Variants in GLIS3 observed in about 807,000 individuals in gnomAD.
The protein encoded by GLIS3 is GLIS family zinc finger 3.
A neutral mutation model predicts 78.6 loss-of-function variants in GLIS3; 53 were observed. That is an observed-to-expected ratio of 0.67 (90% CI 0.54 to 0.85). The LOEUF is 0.85. Ranked by LOEUF, GLIS3 falls within the 40% of genes least tolerant of loss-of-function variation. The probability of loss-of-function intolerance (pLI) is 0.00; values close to 1 mark genes in which losing one functional copy is unlikely to be tolerated. For missense variants in GLIS3, 1,703 were observed against 1,231.1 expected (o/e 1.38, Z -5.74); for synonymous variants, 684 against 509.9 (o/e 1.34, Z -4.60).
At chr9:4,132,439 G>C (rs1833048915) in intron 2 of GLIS3, among the ~76,000 whole-genome samples, 1 of 152,132 alleles carries the variant, frequency 6.6e-6, no homozygotes, top group Admixed American at 6.6e-5. Flanking sequence ...TCACTACTGA[G>C]GCTGCATCAT....
At chr9:4,112,718 T>C (rs1831319321) in intron 4 of GLIS3, among the ~76,000 whole-genome samples, 1 of 152,204 alleles carries the variant, frequency 6.6e-6, no homozygotes, top group Non-Finnish European at 1.5e-5. Flanking sequence ...GGAAAGAAAT[T>C]GGAGTGTGAT....
At chr9:4,242,974 T>C (rs1306677731) in intron 2 of GLIS3, among the ~76,000 whole-genome samples, 3 of 152,196 alleles carry the variant, frequency 2.0e-5, no homozygotes, top group African/African-American at 7.2e-5. Flanking sequence ...TGATAAGCCA[T>C]AAATACAGAA....
chr9:3,824,381 AAAACAAAACAAAAAAAC>A lies in GLIS3; in HGVS notation c.*3874_*3890del, dbSNP rs1365640035. On this transcript the variant is annotated 3_prime_UTR_variant, in exon 11 of 11. Transcript: ENST00000381971. ...TCCCAGTATGTAAGAGGCTGATGGT[AAAACAAAACAAAAAAAC>A]AAACAAACAAACAATGATGGTTGCC... 6.6e-6 allele frequency: 1 copy of A among 152,616 alleles called. No individual in the cohort carries two copies. Among genetic ancestry groups the A allele is most frequent in the African/African-American group, 2.4e-5 (1 of 41,444 alleles). The allele number at this position is 152,616 out of a possible 1,614,324, so 9.5% of individuals were successfully genotyped here.
chr9:4,090,747 A>G (rs2755088), intron 4 of GLIS3, among the ~76,000 whole-genome samples: 152,272 of 152,352 alleles, frequency 1, 76,096 homozygotes, highest in Middle Eastern at 1. Flanking sequence ...AAGAAGAGAT[A>G]AGCTTAAGCA....
At chr9:4,103,347 CA>C (rs1456564444) in intron 4 of GLIS3, among the ~76,000 whole-genome samples, 1 of 152,094 alleles carries the variant, frequency 6.6e-6, no homozygotes, top group East Asian at 1.9e-4. Flanking sequence ...AGCCAGTAGC[CA>C]TTTCATATTG....
At chr9:4,224,661 T>A (rs1283504379) in intron 2 of GLIS3, among the ~76,000 whole-genome samples, 1 of 152,014 alleles carries the variant, frequency 6.6e-6, no homozygotes, top group Non-Finnish European at 1.5e-5. Flanking sequence ...ACTTCACCCT[T>A]TGTTACATCC....
Position 3,977,183 on chromosome 9 carries a change from C to A in GLIS3, c.1711-39994G>T, listed in dbSNP as rs1172976327. The stretch of plus-strand genomic sequence containing the variant: ...TACCGAATGCTTACAACTCCCAAGC[C>A]GGGAGAAATATTGTCAGTTCAGATG... On this transcript the variant is annotated intron_variant, in intron 4 of 10. Transcript: ENST00000381971. This position sits in a 1 kb window ranked among gnomAD's most constrained non-coding sequence, Gnocchi z 4.1. 6.6e-6 allele frequency among the ~76,000 whole-genome samples: 1 copy of A among 152,076 alleles called. No homozygotes were observed. The highest frequency in any genetic ancestry group is 6.6e-5 in the Admixed American group (1 of 15,244).
At chr9:4,417,173 G>A in the GLIS3 span, among the ~76,000 whole-genome samples, 1 of 152,046 alleles carries the variant, frequency 6.6e-6, no homozygotes, top group Non-Finnish European at 1.5e-5. Flanking sequence ...ACTTTGAAGG[G>A]TATCGATTAT....
At chr9:4,073,525 G>A (rs1827789784) in intron 4 of GLIS3, among the ~76,000 whole-genome samples, 3 of 152,120 alleles carry the variant, frequency 2.0e-5, no homozygotes, top group Non-Finnish European at 2.9e-5. Context: ...CACTCAGGGT[G>A]GGACAGGTAG....
chr9:4,189,483 G>A (rs779929277), intron 2 of GLIS3, among the ~76,000 whole-genome samples: 16 of 152,316 alleles, frequency 1.1e-4, no homozygotes, highest in South Asian at 4.2e-4. Flanking sequence ...GATTTGTGGT[G>A]CAGAGTTCTG....
chr9:4,006,197 A>T (rs1306014165), intron 4 of GLIS3, among the ~76,000 whole-genome samples: 1 of 151,734 alleles, frequency 6.6e-6, no homozygotes, highest in Non-Finnish European at 1.5e-5. Flanking sequence ...CTTTGCTGTA[A>T]ACTCTCTTTT....
At chr9:4,277,113 C>T (rs1827100041) in intron 2 of GLIS3, among the ~76,000 whole-genome samples, 1 of 152,176 alleles carries the variant, frequency 6.6e-6, no homozygotes, top group Non-Finnish European at 1.5e-5. Context: ...GGACCCCAAT[C>T]TCCACTATTA....
chr9:4,394,603 C>G, the GLIS3 span, among the ~76,000 whole-genome samples: 3 of 152,144 alleles, frequency 2.0e-5, no homozygotes, highest in African/African-American at 4.8e-5. Context: ...ATCTGAGAAA[C>G]AATTCATACC....
the GLIS3 span, among the ~76,000 whole-genome samples, chr9:4,438,733 T>A: frequency 2.6e-5 from 4 of 152,166 alleles, no homozygotes; most frequent in African/African-American, 9.7e-5. Flanking sequence ...GATCTGATTG[T>A]TCTATAAATG....
At chr9:3,967,882 A>G (rs1443449948) in intron 4 of GLIS3, among the ~76,000 whole-genome samples, 2 of 152,194 alleles carry the variant, frequency 1.3e-5, no homozygotes, top group Non-Finnish European at 2.9e-5. Flanking sequence ...TAAGGGGGAG[A>G]GTGATGGAGG....
chr9:3,882,054 T>C (rs1389262778), intron 7 of GLIS3, among the ~76,000 whole-genome samples: 1 of 152,224 alleles, frequency 6.6e-6, no homozygotes, highest in Non-Finnish European at 1.5e-5. Flanking sequence ...GTGTTCTTTT[T>C]ATTCTTCTCT....
chr9:4,018,540 G>T (rs2130116911), intron 4 of GLIS3, among the ~76,000 whole-genome samples: 1 of 152,296 alleles, frequency 6.6e-6, no homozygotes, highest in East Asian at 1.9e-4. Flanking sequence ...GGGCTTCACA[G>T]GTTCTTGGCT....
the GLIS3 span, among the ~76,000 whole-genome samples, chr9:4,484,083 T>C: frequency 6.6e-6 from 1 of 152,192 alleles, no homozygotes; most frequent in African/African-American, 2.4e-5. Context: ...GTAGCAATAG[T>C]ATAAATATAG....
chr9:4,265,914 C>T (rs10217531), intron 2 of GLIS3, among the ~76,000 whole-genome samples: 150,847 of 151,590 alleles, frequency 1, 75,057 homozygotes, highest in South Asian at 1. Flanking sequence ...TTTTGTTTGT[C>T]TGTTTGTTTG....
Sources: allele counts gnomAD v4.1 joint callset (sites outside exome capture counted in the v4.1 genomes callset), GRCh38; gene constraint gnomAD v4.1.1; non-coding constraint Gnocchi (gnomAD v3.1); transcripts MANE v1.5; gene names NCBI Gene and HGNC (gene_info 2026-07-23, HGNC 2026-07-21).